The following SLC35F3 variants were observed in gnomAD, a reference collection of about 807,000 sequenced individuals.
The protein encoded by SLC35F3 is solute carrier family 35 member F3.
SLC35F3 carries 25 observed loss-of-function variants against 49.9 expected under a neutral mutation model. The ratio of observed to expected loss-of-function variants is 0.50; its 90% CI spans 0.37 to 0.70. The LOEUF is 0.70. SLC35F3 is among the 30% of genes least tolerant of loss of function. The pLI, the probability that SLC35F3 is intolerant of heterozygous loss-of-function variation, is 0.00. For missense variants in SLC35F3, 525 were observed against 639.8 expected (o/e 0.82, Z 1.94); for synonymous variants, 275 against 265.4 (o/e 1.04, Z -0.35).
intron 2 of SLC35F3, among the ~76,000 whole-genome samples, chr1:233,996,190 T>G (rs1314512487): frequency 2.6e-5 from 4 of 152,186 alleles, no homozygotes; most frequent in Non-Finnish European, 5.9e-5. Context: ...ACTGAACATG[T>G]ACAGACTTAA....
At chr1:234,139,998 A>ATAAAGTAAAG in intron 2 of SLC35F3, among the ~76,000 whole-genome samples, 1 of 138,474 alleles carries the variant, frequency 7.2e-6, no homozygotes, top group African/African-American at 2.5e-5. Flanking sequence ...ATAAAATAAA[A>ATAAAGTAAAG]TAAAGTAAGT....
At chr1:233,916,335 A>G (rs938207146) in intron 2 of SLC35F3, among the ~76,000 whole-genome samples, 1 of 152,172 alleles carries the variant, frequency 6.6e-6, no homozygotes, top group Non-Finnish European at 1.5e-5. Context: ...TGGCACAATC[A>G]TCGCTCACTG....
At chr1:234,174,171 C>G (rs559850471) in intron 2 of SLC35F3, among the ~76,000 whole-genome samples, 22 of 152,322 alleles carry the variant, frequency 1.4e-4, no homozygotes, top group Non-Finnish European at 2.9e-4. Context: ...GGCTTTGCCA[C>G]TTCATGGCAA....
chr1:234,261,189 A>T (rs1667898879), intron 3 of SLC35F3, among the ~76,000 whole-genome samples: 1 of 152,168 alleles, frequency 6.6e-6, no homozygotes, highest in Non-Finnish European at 1.5e-5. Context: ...ATCTCATGCA[A>T]GAAAGAATTA....
At chr1:234,059,303 A>G (rs759081270) in intron 2 of SLC35F3, among the ~76,000 whole-genome samples, 11 of 148,964 alleles carry the variant, frequency 7.4e-5, no homozygotes, top group Non-Finnish European at 1.5e-4. Context: ...GGCATTTATA[A>G]CTATAAACTT....
At chr1:234,122,792 A>C (rs1271896721) in intron 2 of SLC35F3, among the ~76,000 whole-genome samples, 1 of 152,234 alleles carries the variant, frequency 6.6e-6, no homozygotes, top group Non-Finnish European at 1.5e-5. Context: ...TGCAAAGGAC[A>C]TGATCTCATT....
intron 2 of SLC35F3, among the ~76,000 whole-genome samples, chr1:234,196,919 G>A (rs1666822107): frequency 6.6e-6 from 1 of 152,144 alleles, no homozygotes; most frequent in African/African-American, 2.4e-5. Context: ...TCCAGCCTGG[G>A]CAACATAGCA....
At chr1:234,091,206 T>C (rs111861020) in intron 2 of SLC35F3, among the ~76,000 whole-genome samples, 78 of 152,190 alleles carry the variant, frequency 5.1e-4, no homozygotes, top group African/African-American at 1.7e-3. Flanking sequence ...TTAATAACTA[T>C]GATGATAGCT....
intron 2 of SLC35F3, among the ~76,000 whole-genome samples, chr1:234,156,043 A>G (rs1166447484): frequency 1.3e-5 from 2 of 152,176 alleles, no homozygotes; most frequent in Non-Finnish European, 2.9e-5. Context: ...AAAATTATCT[A>G]TAACATATAC....
intron 2 of SLC35F3, among the ~76,000 whole-genome samples, chr1:233,928,922 AC>A (rs145870610): frequency 0.011 from 1,531 of 142,440 alleles, 16 homozygotes; most frequent in Non-Finnish European, 0.017. Flanking sequence ...ATGAATATGT[AC>A]AAGTCTGATT....
chr1:233,938,352 G>T (rs1310462989), intron 2 of SLC35F3, among the ~76,000 whole-genome samples: 2 of 152,124 alleles, frequency 1.3e-5, no homozygotes, highest in Admixed American at 6.5e-5. Context: ...CTGAACCCGG[G>T]TTATATGGTC....
intron 2 of SLC35F3, among the ~76,000 whole-genome samples, chr1:234,226,831 C>T (rs1289289497): frequency 6.6e-6 from 1 of 152,206 alleles, no homozygotes; most frequent in East Asian, 1.9e-4. Context: ...TATTGCCTGA[C>T]AGCCCTCAGG....
intron 2 of SLC35F3, among the ~76,000 whole-genome samples, chr1:233,982,290 A>G (rs927965540): frequency 3.3e-5 from 5 of 152,176 alleles, no homozygotes; most frequent in Non-Finnish European, 7.3e-5. Flanking sequence ...GAACTGTACT[A>G]TCAGTCCACG....
intron 2 of SLC35F3, among the ~76,000 whole-genome samples, chr1:234,129,526 C>G (rs1665701486): frequency 6.6e-6 from 1 of 152,090 alleles, no homozygotes; most frequent in Non-Finnish European, 1.5e-5. Context: ...AACATTGATC[C>G]ATAAAGTCAA....
chr1:233,974,371 G>A (rs908121594), intron 2 of SLC35F3, among the ~76,000 whole-genome samples: 1 of 151,708 alleles, frequency 6.6e-6, no homozygotes, highest in Non-Finnish European at 1.5e-5. Context: ...TTTAGTAGAC[G>A]TAGTTTCTCC....
chr1:234,074,103 T>C (rs1664761026), intron 2 of SLC35F3, among the ~76,000 whole-genome samples: 1 of 152,218 alleles, frequency 6.6e-6, no homozygotes, highest in African/African-American at 2.4e-5. Flanking sequence ...TCTCACGGTC[T>C]GAAAACTACC....
In SLC35F3 at chr1:233,904,923, G is replaced by C; in HGVS notation, c.-155G>C. 2.8e-6 allele frequency: 2 copies of C among 722,956 alleles called. No individual in the cohort carries two copies. Among genetic ancestry groups the C allele is most frequent in the Non-Finnish European group, 4.2e-6 (2 of 476,290 alleles). The allele number at this position is 722,956 out of a possible 1,614,324, so 44.8% of individuals were successfully genotyped here. A position where few individuals can be genotyped will look rare whatever the true frequency, so the allele number is the denominator to read the frequency against. On this transcript the variant is annotated 5_prime_UTR_variant, in exon 1 of 8. Coordinates refer to ENST00000366618, the MANE Select transcript of SLC35F3 (RefSeq NM_173508.4). ...GGAGGCGCTCGGGTACAGACCGCGC[G>C]GGCGCGCACAAAGCGGCCCGGGGCG... is the stretch of plus-strand genomic sequence containing the variant.
chr1:234,283,327 CCCA>C (rs1668359603), intron 3 of SLC35F3, among the ~76,000 whole-genome samples: 2 of 152,178 alleles, frequency 1.3e-5, no homozygotes, highest in South Asian at 4.1e-4. Flanking sequence ...TTATGCTTTA[CCCA>C]CCAAGTATTC....
chr1:234,123,976 T>C (rs1665612141), intron 2 of SLC35F3, among the ~76,000 whole-genome samples: 1 of 152,200 alleles, frequency 6.6e-6, no homozygotes, highest in Non-Finnish European at 1.5e-5. Flanking sequence ...CCCATAATGC[T>C]CACTCCTGTG....
Sources: gnomAD v4.1 joint callset for allele counts (sites outside exome capture counted in the v4.1 genomes callset) on GRCh38, gnomAD v4.1.1 for gene constraint, MANE v1.5 for transcripts, NCBI Gene and HGNC (gene_info 2026-07-23, HGNC 2026-07-21) for gene names.